RIC1: variants seen among roughly 807,000 people sequenced by gnomAD.
The protein encoded by RIC1 is guanine nucleotide exchange factor subunit RIC1.
In RIC1, 88 loss-of-function variants were observed where a neutral mutation model predicts 169.0. The observed-to-expected ratio is 0.52, with a 90% CI of 0.44 to 0.62. RIC1 has a LOEUF of 0.62. Among genes scored for constraint, RIC1 ranks in the 20% least tolerant of loss-of-function variants. The probability of loss-of-function intolerance (pLI) is 0.00; values close to 1 mark genes in which losing one functional copy is unlikely to be tolerated. For synonymous variants in RIC1, 790 were observed against 601.5 expected (o/e 1.31, Z -4.59); for missense variants, 1,877 against 1,725.5 (o/e 1.09, Z -1.56).
chr9:5,695,899 G>A (rs1821873499), intron 3 of RIC1, among the ~76,000 whole-genome samples: 1 of 151,978 alleles, frequency 6.6e-6, no homozygotes, highest in African/African-American at 2.4e-5. Flanking sequence ...TCAGATTCAT[G>A]TCTAAACCTC....
At chr9:5,720,492 T>C in intron 5 of RIC1, 122 bp from the exon 6 acceptor site, 3 of 1,175,994 alleles carry the variant, frequency 2.6e-6, no homozygotes, top group Non-Finnish European at 3.6e-6. Flanking sequence ...GACAGTTTAA[T>C]TATTTAGGGT....
chr9:5,641,696 G>T (rs1818259764), intron 1 of RIC1, among the ~76,000 whole-genome samples: 1 of 115,432 alleles, frequency 8.7e-6, no homozygotes, highest in South Asian at 2.4e-4. Context: ...GATCAATTCT[G>T]CTTTTCAGAG....
intron 2 of RIC1, among the ~76,000 whole-genome samples, chr9:5,661,069 C>G (rs752806004): frequency 4.6e-5 from 7 of 152,108 alleles, no homozygotes; most frequent in Non-Finnish European, 8.8e-5. Flanking sequence ...GCCAGTACTC[C>G]CAGCACCATA....
chr9:5,764,798 A>G (rs894929231), intron 19 of RIC1, among the ~76,000 whole-genome samples: 6 of 152,232 alleles, frequency 3.9e-5, no homozygotes, highest in Non-Finnish European at 7.3e-5. Flanking sequence ...TCTCCCTGAC[A>G]ATGTAATTTT....
intron 17 of RIC1, among the ~76,000 whole-genome samples, chr9:5,759,234 T>A (rs1400332100): frequency 6.6e-6 from 1 of 152,216 alleles, no homozygotes; most frequent in East Asian, 1.9e-4. Context: ...GAGGAACTAA[T>A]CAGTCTTATC....
chr9:5,748,415 C>G (rs1263316830), intron 12 of RIC1, among the ~76,000 whole-genome samples: 2 of 152,162 alleles, frequency 1.3e-5, no homozygotes, highest in African/African-American at 4.8e-5. Context: ...GGATTATCTC[C>G]TACATTGACA....
At chr9:5,669,496 G>T (rs1038109797) in intron 2 of RIC1, among the ~76,000 whole-genome samples, 15 of 152,120 alleles carry the variant, frequency 9.9e-5, no homozygotes, top group African/African-American at 3.6e-4. Flanking sequence ...GTATTCGATG[G>T]TGTATATATA....
In RIC1 at chr9:5,765,408, T is replaced by C. The variant is rs369941501; in HGVS notation, c.2842-6T>C. The stretch of plus-strand genomic sequence containing the variant: ...AAAAGAATGCTGTCCTGGTTGTTTT[T>C]TGTAGAATATGGAAGTCCCTGCAGT... On this transcript the variant is annotated splice_region_variant and splice_polypyrimidine_tract_variant and intron_variant, in intron 19 of 25. Coordinates refer to ENST00000414202, the MANE Select transcript of RIC1 (RefSeq NM_020829.4). 60 of 1,608,950 alleles carry C rather than the reference T, an allele frequency of 3.7e-5. No homozygotes were observed. The Middle Eastern group carries it at 5.0e-4, about 13-fold the overall frequency.
chr9:5,776,897 G>C (rs900831747), downstream of RIC1, among the ~76,000 whole-genome samples: 5 of 152,044 alleles, frequency 3.3e-5, no homozygotes, highest in African/African-American at 1.2e-4. Flanking sequence ...TAATAAGCGG[G>C]ATTAAAAAGT....
In RIC1 at chr9:5,708,613, C is replaced by G. The variant is rs78237377; in HGVS notation, c.333-5283C>G. 9.2e-3 allele frequency among the ~76,000 whole-genome samples: 1,398 copies of G among 152,234 alleles called. 22 individuals are homozygous for G. Among genetic ancestry groups the G allele is most frequent in the African/African-American group, 0.031 (1,289 of 41,544 alleles). ...TCCATGGTTTCCTATGAAAAGTTGG[C>G]TGTCAGTCTTACTTGGGATCTCTTG... On this transcript the variant is annotated intron_variant, in intron 3 of 25. Coordinates refer to ENST00000414202, the MANE Select transcript of RIC1 (RefSeq NM_020829.4).
At chr9:5,761,073 C>T (rs554948183) in intron 17 of RIC1, among the ~76,000 whole-genome samples, 20 of 142,676 alleles carry the variant, frequency 1.4e-4, no homozygotes, top group African/African-American at 5.0e-4. Context: ...TGAGAAACAT[C>T]TGTCTGTCTC....
chr9:5,719,893 G>A (rs983544773), intron 4 of RIC1, among the ~76,000 whole-genome samples: 1 of 151,860 alleles, frequency 6.6e-6, no homozygotes, highest in Non-Finnish European at 1.5e-5. Flanking sequence ...CTTTCTTTCT[G>A]CTATCACTTC....
intron 6 of RIC1, among the ~76,000 whole-genome samples, chr9:5,730,216 T>G (rs918702559): frequency 3.3e-5 from 5 of 152,150 alleles, no homozygotes; most frequent in Admixed American, 3.3e-4. Flanking sequence ...TCAGTAGGAC[T>G]AGATTATTAG....
intron 1 of RIC1, among the ~76,000 whole-genome samples, chr9:5,633,598 T>C (rs995983940): frequency 6.6e-6 from 1 of 152,154 alleles, no homozygotes; most frequent in East Asian, 1.9e-4. Flanking sequence ...GAGGTATAAT[T>C]GACAAATAAA....
At chr9:5,666,047 G>A (rs1199930557) in intron 2 of RIC1, among the ~76,000 whole-genome samples, 1 of 152,182 alleles carries the variant, frequency 6.6e-6, no homozygotes, top group South Asian at 2.1e-4. Flanking sequence ...CTGAATGCCA[G>A]TGTGGCAGCC....
At chr9:5,736,991 A>G (rs948704508) in intron 7 of RIC1, among the ~76,000 whole-genome samples, 16 of 152,124 alleles carry the variant, frequency 1.1e-4, no homozygotes, top group African/African-American at 2.4e-5. Flanking sequence ...ACCAAAAAAA[A>G]AAAAAACAAT....
chr9:5,767,188 A>G (rs1351263896), intron 21 of RIC1, among the ~76,000 whole-genome samples: 1 of 152,168 alleles, frequency 6.6e-6, no homozygotes, highest in Non-Finnish European at 1.5e-5. Flanking sequence ...TTCTAATTAT[A>G]CTTTTTGATA....
intron 6 of RIC1, among the ~76,000 whole-genome samples, chr9:5,729,546 C>G (rs989163133): frequency 1.1e-4 from 17 of 152,054 alleles, no homozygotes; most frequent in African/African-American, 3.9e-4. Context: ...TTATTTTTGT[C>G]TTTGCTGCTT....
chr9:5,647,696 A>G (rs1288326758), intron 1 of RIC1, among the ~76,000 whole-genome samples: 1 of 152,220 alleles, frequency 6.6e-6, no homozygotes, highest in African/African-American at 2.4e-5. Flanking sequence ...CTTCAAACAT[A>G]TAATTTTACT....
Sources: allele counts gnomAD v4.1 joint callset (sites outside exome capture counted in the v4.1 genomes callset), GRCh38; gene constraint gnomAD v4.1.1; transcripts MANE v1.5; gene names NCBI Gene and HGNC (gene_info 2026-07-23, HGNC 2026-07-21).